Variants in PIEZO2 observed in about 807,000 individuals in gnomAD.
PIEZO2 encodes the protein piezo-type mechanosensitive ion channel component 2.
PIEZO2 carries 172 observed loss-of-function variants against 337.3 expected under a neutral mutation model. The ratio of observed to expected loss-of-function variants is 0.51; its 90% CI spans 0.45 to 0.58. The LOEUF (loss-of-function observed/expected upper bound fraction) is 0.58, where lower values mean the gene tolerates loss of function less well. Among genes scored for constraint, PIEZO2 ranks in the 20% least tolerant of loss-of-function variants. The pLI, the probability that PIEZO2 is intolerant of heterozygous loss-of-function variation, is 0.00. For synonymous variants in PIEZO2, 1,251 were observed against 1,228.5 expected (o/e 1.02, Z -0.38); for missense variants, 3,028 against 3,391.3 (o/e 0.89, Z 2.66).
chr18:11,058,275 A>C (rs1317438115), intron 2 of PIEZO2, among the ~76,000 whole-genome samples: 3 of 152,210 alleles, frequency 2.0e-5, no homozygotes, highest in African/African-American at 4.8e-5. Flanking sequence ...ACAAACAGAA[A>C]GGACATCCAC....
In PIEZO2 at chr18:10,758,047, TCACCTGC is replaced by T; in HGVS notation, c.3838_3844del (p.Ala1280ThrfsTer7). ...AAGGTTCATGCAGATCTCGACATTG[TCACCTGC>T]CATGATTCGCACTGCAGCCTTGTTC... On this transcript the variant is annotated frameshift_variant, in exon 27 of 56. Coordinates refer to ENST00000674853, the MANE Select transcript of PIEZO2 (RefSeq NM_001378183.1). LOFTEE classifies it high-confidence loss of function. 1 of 1,537,264 alleles carries T rather than the reference TCACCTGC, an allele frequency of 6.5e-7. No homozygotes were observed. Among genetic ancestry groups the T allele is most frequent in the African/African-American group, 1.4e-5 (1 of 73,112 alleles).
chr18:10,821,227 G>A lies in PIEZO2; in HGVS notation c.918-13953C>T, dbSNP rs2040512602. On this transcript the variant is annotated intron_variant, in intron 7 of 55. Transcript: ENST00000674853. The surrounding 1 kb of genome is among the most constrained non-coding windows in gnomAD (Gnocchi z 4.2). ...CATAATGTACAGTAAATTCCTCCAGGTAGAAAGCTGGAAAAATCCTTTAGC... is the reference window on the plus strand; with the variant it reads ...CATAATGTACAGTAAATTCCTCCAGATAGAAAGCTGGAAAAATCCTTTAGC... Among the ~76,000 whole-genome samples the A allele has an allele frequency of 6.6e-6, 1 of 152,030 alleles. No homozygotes were observed. Among genetic ancestry groups the A allele is most frequent in the Non-Finnish European group, 1.5e-5 (1 of 68,012 alleles).
In PIEZO2 at chr18:10,972,483, G is replaced by A. The variant is rs76278310; in HGVS notation, c.286+7052C>T. ...TGGGGCAGGTGGAGTGAGAGACTGC[G>A]GTGGAGAGGTTGCTAAGAAGGTGAA... is the stretch of plus-strand genomic sequence containing the variant. On this transcript the variant is annotated intron_variant, in intron 3 of 55. Transcript: ENST00000674853. Among the ~76,000 whole-genome samples the A allele has an allele frequency of 3.2e-3, 481 of 152,172 alleles. 8 individuals carry two copies. Among genetic ancestry groups the A allele is most frequent in the African/African-American group, 0.011 (472 of 41,514 alleles).
chr18:10,896,493 T>A (rs987403540), intron 4 of PIEZO2, among the ~76,000 whole-genome samples: 1 of 152,224 alleles, frequency 6.6e-6, no homozygotes, highest in African/African-American at 2.4e-5. Flanking sequence ...TATATTTAAC[T>A]GGTCAGAGTA....
intron 1 of PIEZO2, among the ~76,000 whole-genome samples, chr18:11,108,411 C>T (rs898584908): frequency 1.3e-5 from 2 of 151,800 alleles, no homozygotes; most frequent in African/African-American, 2.4e-5. Flanking sequence ...GTCAGGAGAT[C>T]GAGACCATCC....
rs536049399 is a variant in PIEZO2 at position 11,033,382 on chromosome 18, C to T, written c.160+32745G>A. On this transcript the variant is annotated intron_variant, in intron 2 of 55. Coordinates refer to ENST00000674853, the MANE Select transcript of PIEZO2 (RefSeq NM_001378183.1). This position sits in a 1 kb window ranked among gnomAD's most constrained non-coding sequence, Gnocchi z 4.2. ...CACTGGTGCAGGTTTCTCCTGCCCA[C>T]CTAAGGCAGACACGCCCCTGGATTT... 4.2e-4 allele frequency among the ~76,000 whole-genome samples: 64 copies of T among 152,322 alleles called. No homozygotes were observed. Among genetic ancestry groups the T allele is most frequent in the Middle Eastern group, 3.4e-3 (1 of 294 alleles).
intron 1 of PIEZO2, among the ~76,000 whole-genome samples, chr18:11,098,091 C>G (rs535892550): frequency 6.6e-6 from 1 of 152,162 alleles, no homozygotes; most frequent in African/African-American, 2.4e-5. Context: ...GGATGTCAAT[C>G]TCAACATTAT....
rs985475109 is a variant in PIEZO2 at position 10,761,045 on chromosome 18, G to A, written c.3316C>T (p.Arg1106Ter). The A allele has an allele frequency of 2.6e-6, 4 of 1,537,050 alleles. No individual in the cohort carries two copies. The highest frequency in any genetic ancestry group is 1.4e-5 in the African/African-American group (1 of 73,046). ...VTIYRHQEYY[R>*]GRNNLTAPVS... ...GGGGCCGTCAGGTTATTTCGACCTCGATAGTATTCCTGATGGCGGTAAATG... is the reference window on the plus strand; with the variant it reads ...GGGGCCGTCAGGTTATTTCGACCTCAATAGTATTCCTGATGGCGGTAAATG... Residue 1106 changes from arginine (R) to a stop codon, truncating the protein, a stop_gained, in exon 24 of 56, where the codon CGA (arginine) becomes TGA (stop). Coordinates refer to ENST00000674853, the MANE Select transcript of PIEZO2 (RefSeq NM_001378183.1). LOFTEE classifies it high-confidence loss of function.
In PIEZO2 at chr18:10,726,529, G is replaced by A. The variant is rs1384153168; in HGVS notation, c.5029+4878C>T. 2.7e-6 allele frequency: 4 copies of A among 1,455,650 alleles called. No individual in the cohort carries two copies. The highest frequency in any genetic ancestry group is 2.8e-5 in the African/African-American group (2 of 70,770). The allele number at this position is 1,455,650 out of a possible 1,614,324, so 90.2% of individuals were successfully genotyped here. A position where few individuals can be genotyped will look rare whatever the true frequency, so the allele number is the denominator to read the frequency against. On this transcript the variant is annotated intron_variant, in intron 36 of 55. Coordinates refer to ENST00000674853, the MANE Select transcript of PIEZO2 (RefSeq NM_001378183.1). The surrounding 1 kb of genome is among the most constrained non-coding windows in gnomAD (Gnocchi z 5.9). ...AGCCGTTCCTGTGGCGCGCTGCGCTGCTCTGCTCTGCTACACCAGCCGCCA... is the reference window on the plus strand; with the variant it reads ...AGCCGTTCCTGTGGCGCGCTGCGCTACTCTGCTCTGCTACACCAGCCGCCA...
chr18:10,853,691 G>T lies in PIEZO2; in HGVS notation c.917+1662C>A, dbSNP rs997406169. Among the ~76,000 whole-genome samples the T allele has an allele frequency of 2.6e-5, 4 of 152,118 alleles. No homozygotes were observed. Among genetic ancestry groups the T allele is most frequent in the Admixed American group, 6.5e-5 (1 of 15,284 alleles). On this transcript the variant is annotated intron_variant, in intron 7 of 55. Transcript: ENST00000674853. The surrounding 1 kb of genome is among the most constrained non-coding windows in gnomAD (Gnocchi z 4.2). Reference sequence around the variant, plus strand: ...TCACCTAGTTTAAATAATTTGATTTGTCTTCTCTCTGTTAACTATTCCTAT... The same window carrying T: ...TCACCTAGTTTAAATAATTTGATTTTTCTTCTCTCTGTTAACTATTCCTAT...
chr18:11,086,213 A>C (rs969572063), intron 1 of PIEZO2, among the ~76,000 whole-genome samples: 1 of 152,152 alleles, frequency 6.6e-6, no homozygotes, highest in South Asian at 2.1e-4. Context: ...ATGATACGAA[A>C]ATTCGACAGA....
rs1278819729 is a variant in PIEZO2, at chr18:10,707,647, T to A, written c.5588+628A>T. 6.6e-6 allele frequency among the ~76,000 whole-genome samples: 1 copy of A among 152,230 alleles called. No individual in the cohort carries two copies. Among genetic ancestry groups the A allele is most frequent in the Non-Finnish European group, 1.5e-5 (1 of 68,046 alleles). ...TTTTATTTCTAAATGAATACTGTTT[T>A]AGGGTAGGATTTGGGAGAACTTAAG... is the stretch of plus-strand genomic sequence containing the variant. On this transcript the variant is annotated intron_variant, in intron 40 of 55. Coordinates refer to ENST00000674853, the MANE Select transcript of PIEZO2 (RefSeq NM_001378183.1). The surrounding 1 kb of genome is among the most constrained non-coding windows in gnomAD (Gnocchi z 4.2).
Position 11,070,846 on chromosome 18 carries a change from A to T in PIEZO2, c.65-4624T>A, listed in dbSNP as rs916913590. Among the ~76,000 whole-genome samples, 2 of 152,164 alleles carry T rather than the reference A, an allele frequency of 1.3e-5. No homozygotes were observed. The highest frequency in any genetic ancestry group is 2.9e-5 in the Non-Finnish European group (2 of 68,024). On this transcript the variant is annotated intron_variant, in intron 1 of 55. Transcript: ENST00000674853. This position sits in a 1 kb window ranked among gnomAD's most constrained non-coding sequence, Gnocchi z 4.3. ...GTCACAGAAGTGCTGGGCATCAGGGACTAGGGCGCAGTCCAGGCTGAGGGG... is the reference window on the plus strand; with the variant it reads ...GTCACAGAAGTGCTGGGCATCAGGGTCTAGGGCGCAGTCCAGGCTGAGGGG...
rs1489335987 is a variant in PIEZO2, at chr18:11,080,724, G to A, written c.65-14502C>T. Among the ~76,000 whole-genome samples the A allele has an allele frequency of 6.6e-6, 1 of 152,158 alleles. No individual in the cohort carries two copies. The highest frequency in any genetic ancestry group is 1.5e-5 in the Non-Finnish European group (1 of 68,046). On this transcript the variant is annotated intron_variant, in intron 1 of 55. Coordinates refer to ENST00000674853, the MANE Select transcript of PIEZO2 (RefSeq NM_001378183.1). This position sits in a 1 kb window ranked among gnomAD's most constrained non-coding sequence, Gnocchi z 5.4. ...CCGGGTGTGGTGGCATGTGCCTGTA[G>A]TCCCAGCTACTTGAGAGGCTGAGGC...
At chr18:10,786,783 G>A (rs1004540882) in intron 16 of PIEZO2, among the ~76,000 whole-genome samples, 1 of 152,004 alleles carries the variant, frequency 6.6e-6, no homozygotes, top group African/African-American at 2.4e-5. Flanking sequence ...AGTGTTAGGT[G>A]TGTTTCACAT....
At chr18:11,135,131 G>T (rs2040446247) in intron 1 of PIEZO2, among the ~76,000 whole-genome samples, 1 of 152,116 alleles carries the variant, frequency 6.6e-6, no homozygotes. Context: ...AATATTTAGA[G>T]ACTTTCACAA....
At chr18:10,691,462 A>G (rs1384507726) in intron 47 of PIEZO2, 79 bp from the exon 48 acceptor site, 11 of 1,398,202 alleles carry the variant, frequency 7.9e-6, no homozygotes, top group Non-Finnish European at 1.1e-5. Flanking sequence ...AATTAAAACA[A>G]CAGGCCAACA....
chr18:10,818,738 A>G (rs922826624), intron 7 of PIEZO2, among the ~76,000 whole-genome samples: 3 of 152,218 alleles, frequency 2.0e-5, no homozygotes, highest in Non-Finnish European at 2.9e-5. Flanking sequence ...TGTTCATATT[A>G]GTCTCAAAAT....
In PIEZO2 at chr18:10,805,431, G is replaced by T. The variant is rs1408851217; in HGVS notation, c.1081-1437C>A. 3.3e-5 allele frequency among the ~76,000 whole-genome samples: 5 copies of T among 152,188 alleles called. No homozygotes were observed. The East Asian group carries it at 9.6e-4, about 29-fold the overall frequency. On this transcript the variant is annotated intron_variant, in intron 8 of 55. Transcript: ENST00000674853. ...CTCAGGAGGCTGAGGCAGGAGAATT[G>T]CTTGAACCCAGGAGGCAGAGGTTGT... is the stretch of plus-strand genomic sequence containing the variant.
Sources: allele counts gnomAD v4.1 joint callset (sites outside exome capture counted in the v4.1 genomes callset), GRCh38; gene constraint gnomAD v4.1.1; non-coding constraint Gnocchi (gnomAD v3.1); transcripts MANE v1.5; gene names NCBI Gene and HGNC (gene_info 2026-07-23, HGNC 2026-07-21).